Variants in TMEM87A observed in about 807,000 individuals in gnomAD.
The protein encoded by TMEM87A is Golgi-pH regulating cation channel.
In TMEM87A, 50 loss-of-function variants were observed where a neutral mutation model predicts 90.0. The observed-to-expected ratio is 0.56, with a 90% confidence interval of 0.44 to 0.70. The LOEUF is 0.70. Ranked by LOEUF, TMEM87A falls within the 30% of genes least tolerant of loss-of-function variation. The pLI is 0.00. For synonymous variants in TMEM87A, 226 were observed against 226.7 expected (o/e 1.00, Z 0.03); for missense variants, 577 against 660.5 (o/e 0.87, Z 1.39).
Position 42,264,131 on chromosome 15 carries a change from A to T in TMEM87A, c.364T>A (p.Ser122Thr), listed in dbSNP as rs1566941469. 1.2e-6 allele frequency: 2 copies of T among 1,613,776 alleles called. No homozygotes were observed. The highest frequency in any genetic ancestry group is 8.5e-7 in the Non-Finnish European group (1 of 1,179,830). ...RGLSGKYQTS[S>T]KLFQNCSELF... ...TCACTGCAGTTCTGGAACAATTTTG[A>T]TGATGTTTGATATTTCCCAGACAAG... The change falls in exon 4 of 20, where the codon TCA becomes ACA. Residue 122 changes from serine to threonine, a missense_variant. Transcript: ENST00000389834.
chr15:42,257,127 T>C (rs2051199103), intron 6 of TMEM87A, among the ~76,000 whole-genome samples: 1 of 152,168 alleles, frequency 6.6e-6, no homozygotes. Context: ...TGAGGAAAGA[T>C]GGAAACTCAC....
intron 9 of TMEM87A, among the ~76,000 whole-genome samples, chr15:42,236,765 A>G (rs2050778568): frequency 6.6e-6 from 1 of 152,226 alleles, no homozygotes; most frequent in African/African-American, 2.4e-5. Flanking sequence ...TACACATAGA[A>G]AAGCACAAAA....
At chr15:42,255,155 C>T (rs1031444155) in intron 6 of TMEM87A, among the ~76,000 whole-genome samples, 5 of 151,280 alleles carry the variant, frequency 3.3e-5, no homozygotes, top group African/African-American at 9.7e-5. Flanking sequence ...TTTTTTAAGA[C>T]GGAGTTTTGC....
At chr15:42,272,664 G>C (rs555805286) in intron 1 of TMEM87A, 11 of 302,340 alleles carry the variant, frequency 3.6e-5, no homozygotes, top group Middle Eastern at 9.0e-4. Flanking sequence ...CCAAATGAAA[G>C]ACTAGCCTTA....
chr15:42,211,892 T>A, intron 19 of TMEM87A, 143 bp from the exon 20 acceptor site: 1 of 798,912 alleles, frequency 1.3e-6, no homozygotes, highest in Non-Finnish European at 1.9e-6. Context: ...CCTAAACATT[T>A]GTGAAGATTT....
At chr15:42,224,164 T>C (rs2050547400) in intron 15 of TMEM87A, among the ~76,000 whole-genome samples, 1 of 152,192 alleles carries the variant, frequency 6.6e-6, no homozygotes, top group Non-Finnish European at 1.5e-5. Context: ...CTTTGGGCCA[T>C]GCCATATCAG....
intron 8 of TMEM87A, 89 bp from the exon 9 acceptor site, chr15:42,237,704 T>TC (rs2050799054): frequency 8.2e-7 from 1 of 1,220,258 alleles, no homozygotes; most frequent in East Asian, 2.8e-5. Flanking sequence ...CTTTTTTTTT[T>TC]TTTTTAAGAG....
intron 2 of TMEM87A, among the ~76,000 whole-genome samples, chr15:42,268,735 T>C (rs933372102): frequency 6.6e-6 from 1 of 152,148 alleles, no homozygotes; most frequent in Non-Finnish European, 1.5e-5. Context: ...GGCACACTGT[T>C]AGGCTAAAGA....
intron 2 of TMEM87A, among the ~76,000 whole-genome samples, chr15:42,269,525 TA>T (rs2051470666): frequency 1.3e-5 from 2 of 152,156 alleles, no homozygotes. Context: ...CAGGATTAAC[TA>T]ATAAAAAGCC....
At position 42,273,284 on chromosome 15, in the gene TMEM87A, G is replaced by C. The variant is rs1234415664; in HGVS notation, c.115C>G (p.Arg39Gly). ...AGPATVAAAD[R>G]SKWHIPIPSG... is the part of the protein sequence containing the mutation. Reference sequence around the variant, plus strand: ...GGTATCGGAATGTGCCATTTGGACCGGTCGGCAGCAGCTACGGTTGCCGGT... The same window carrying C: ...GGTATCGGAATGTGCCATTTGGACCCGTCGGCAGCAGCTACGGTTGCCGGT... The change falls in exon 1 of 20, where the codon CGG (arginine) becomes GGG (glycine). Residue 39 changes from arginine (R) to glycine (G), a missense_variant. Transcript: ENST00000389834. 1 of 1,614,034 alleles carries C rather than the reference G, an allele frequency of 6.2e-7. No homozygotes were observed. The highest frequency in any genetic ancestry group is 1.3e-5 in the African/African-American group (1 of 74,922).
In TMEM87A at chr15:42,242,952, CCATA is replaced by C. The variant is rs375173929; in HGVS notation, c.622+1094_622+1097del. On this transcript the variant is annotated intron_variant, in intron 7 of 19. Transcript: ENST00000389834. ...GGTGGCTGCCATCATTGTTTCTATT[CCATA>C]TTCTGCTTAAGAAAGCAGGGTAGGA... 3.4e-4 allele frequency among the ~76,000 whole-genome samples: 51 copies of C among 152,214 alleles called. No individual in the cohort carries two copies. The East Asian group carries it at 8.9e-3, about 27-fold the overall frequency.
At chr15:42,273,212 C>G (rs753382605) in intron 1 of TMEM87A, 43 bp downstream of exon 1, 6 of 1,610,028 alleles carry the variant, frequency 3.7e-6, no homozygotes, top group South Asian at 2.2e-5. Flanking sequence ...TAGCCCCACC[C>G]CTTGCTCCTC....
intron 17 of TMEM87A, 110 bp downstream of exon 17, chr15:42,219,471 C>A (rs1442945714): frequency 3.5e-6 from 3 of 861,894 alleles, no homozygotes; most frequent in East Asian, 6.0e-5. Flanking sequence ...AAAAAAAAAT[C>A]ATTGCCAAGA....
At chr15:42,258,255 C>CT in intron 6 of TMEM87A, 1 of 772,270 alleles carries the variant, frequency 1.3e-6, no homozygotes, top group Non-Finnish European at 1.6e-6. Flanking sequence ...AATACATACT[C>CT]TAAGATTCCC....
intron 6 of TMEM87A, chr15:42,258,959 A>G: frequency 3.9e-6 from 4 of 1,029,008 alleles, no homozygotes; most frequent in Non-Finnish European, 6.0e-6. Context: ...TCAACAATCC[A>G]AGAAATGTTT....
Position 42,236,322 on chromosome 15 carries a change from G to A in TMEM87A, c.966C>T (p.Val322=). The A allele has an allele frequency of 4.3e-6, 7 of 1,613,622 alleles. No homozygotes were observed. The highest frequency in any genetic ancestry group is 5.9e-6 in the Non-Finnish European group (7 of 1,179,596). ...VIIVSLGYGI[V]KPRLGVTLHK... ...CCATACAGGAAGTTAATACTTACTT[G>A]ACGATGCCATATCCCAGACTGACTA... Residue 322 remains valine (V), a splice_region_variant and synonymous_variant, in exon 10 of 20, where the codon GTC becomes GTT. Transcript: ENST00000389834.
chr15:42,228,875 T>C, intron 12 of TMEM87A, 55 bp from the exon 13 acceptor site: 1 of 1,330,092 alleles, frequency 7.5e-7, no homozygotes, highest in East Asian at 2.3e-5. Flanking sequence ...GCTAGCCAAT[T>C]AGTTTTCAGG....
intron 7 of TMEM87A, 37 bp from the exon 8 acceptor site, chr15:42,239,768 T>G: frequency 6.4e-7 from 1 of 1,568,246 alleles, no homozygotes; most frequent in South Asian, 1.1e-5. Context: ...ATTTACAGGA[T>G]GCAGAAATTA....
chr15:42,237,139 G>A (rs1555406457), intron 9 of TMEM87A, among the ~76,000 whole-genome samples: 1 of 152,094 alleles, frequency 6.6e-6, no homozygotes, highest in African/African-American at 2.4e-5. Context: ...TTTCTTAGAT[G>A]TATAATGGTG....
Sources: allele counts gnomAD v4.1 joint callset (sites outside exome capture counted in the v4.1 genomes callset), GRCh38; gene constraint gnomAD v4.1.1; transcripts MANE v1.5; gene names NCBI Gene and HGNC (gene_info 2026-07-23, HGNC 2026-07-21).